Variants in TXNDC11 observed in about 807,000 individuals in gnomAD.
TXNDC11 encodes the protein thioredoxin domain-containing protein 11.
Under a neutral mutation model 78.0 loss-of-function variants are expected in TXNDC11, and 68 were observed. The ratio of observed to expected loss-of-function variants is 0.87; its 90% confidence interval spans 0.72 to 1.07. TXNDC11 has a LOEUF of 1.07. TXNDC11 is among the 50% of genes least tolerant of loss of function. The pLI is 0.00. For synonymous variants in TXNDC11, 571 were observed against 495.2 expected (o/e 1.15, Z -2.03); for missense variants, 1,389 against 1,221.8 (o/e 1.14, Z -2.04).
At chr16:11,693,203 C>T (rs2050769322) in intron 7 of TXNDC11, among the ~76,000 whole-genome samples, 1 of 152,200 alleles carries the variant, frequency 6.6e-6, no homozygotes, top group Admixed American at 6.5e-5. Flanking sequence ...GTAATGCACA[C>T]AATCCTCTGT....
At chr16:11,699,388 A>T (rs1051257668) in intron 6 of TXNDC11, among the ~76,000 whole-genome samples, 1 of 152,246 alleles carries the variant, frequency 6.6e-6, no homozygotes. Flanking sequence ...GGAAAATGAC[A>T]GATAGCAAAA....
intron 10 of TXNDC11, among the ~76,000 whole-genome samples, chr16:11,685,422 G>C (rs527353061): frequency 6.5e-4 from 99 of 152,108 alleles, no homozygotes; most frequent in African/African-American, 2.3e-3. Context: ...GAGGCAGGCA[G>C]ATCACGAGGT....
Position 11,679,801 on chromosome 16 carries a change from G to A in TXNDC11, c.2271C>T (p.Pro757=), listed in dbSNP as rs570388251. Residue 757 remains proline, a synonymous_variant, in exon 12 of 12, where the codon CCC becomes CCT. Transcript: ENST00000283033. This position sits in a 1 kb window ranked among gnomAD's most constrained non-coding sequence, Gnocchi z 4.6. ...ACCTCAACAGGTTTGGAAGGGTGAT[G>A]GGGACGTCTTCGGGGTATTTCACAC... ...DLSVKYPEDV[P]ITLPNLLRFI... The A allele has an allele frequency of 4.3e-5, 70 of 1,613,854 alleles. No homozygotes were observed. In the South Asian group the frequency reaches 6.7e-4, roughly 15 times the overall value.
At chr16:11,710,804 G>C (rs2051328013) in intron 5 of TXNDC11, among the ~76,000 whole-genome samples, 1 of 152,160 alleles carries the variant, frequency 6.6e-6, no homozygotes, top group East Asian at 1.9e-4. Context: ...AACAGAGTGA[G>C]ACCCTGTCAA....
intron 7 of TXNDC11, among the ~76,000 whole-genome samples, chr16:11,693,925 G>A (rs2050786572): frequency 6.6e-6 from 1 of 152,044 alleles, no homozygotes; most frequent in Non-Finnish European, 1.5e-5. Flanking sequence ...AAGACTTCAC[G>A]ATTTACTGTA....
chr16:11,710,118 C>CA (rs1474155523), intron 5 of TXNDC11, among the ~76,000 whole-genome samples: 1 of 151,962 alleles, frequency 6.6e-6, no homozygotes, highest in African/African-American at 2.4e-5. Context: ...ACTCTAGACT[C>CA]AGTGACAGAG....
At chr16:11,735,970 T>C in intron 2 of TXNDC11, 47 bp downstream of exon 2, 1 of 1,587,606 alleles carries the variant, frequency 6.3e-7, no homozygotes, top group Non-Finnish European at 8.6e-7. Flanking sequence ...CTGCCCTACA[T>C]ATAGGACTGA....
intron 5 of TXNDC11, among the ~76,000 whole-genome samples, chr16:11,717,434 G>GAAAAAAAAAAAAAAA (rs58884197): frequency 3.2e-5 from 2 of 62,320 alleles, no homozygotes; most frequent in East Asian, 5.6e-4. Flanking sequence ...GACTCCAAAT[G>GAAAAAAAAAAAAAAA]AAAAAAAAAA....
rs556496861 is a variant in TXNDC11, at chr16:11,698,688, C to T, written c.907-363G>A. Among the ~76,000 whole-genome samples, 15 of 152,346 alleles carry T rather than the reference C, an allele frequency of 9.8e-5. 1 individual carries two copies. The highest frequency in any genetic ancestry group is 3.1e-4 in the African/African-American group (13 of 41,586). On this transcript the variant is annotated intron_variant, in intron 6 of 11. Coordinates refer to ENST00000283033, the MANE Select transcript of TXNDC11 (RefSeq NM_015914.7). The stretch of plus-strand genomic sequence containing the variant: ...CTGGGTATTCATAAAAGGACCAAGA[C>T]ATATCTAAGGGAACAGAAACTACAG...
At position 11,679,819 on chromosome 16, in the gene TXNDC11, T is replaced by C. The variant is rs750090126; in HGVS notation, c.2253A>G (p.Lys751=). ...FPCNRKDLSV[K]YPEDVPITLP... The stretch of plus-strand genomic sequence containing the variant: ...GGGTGATGGGGACGTCTTCGGGGTA[T>C]TTCACACTTAGGTCCTTTCTGGAGA... Residue 751 remains lysine, a synonymous_variant, in exon 12 of 12, where the codon AAA becomes AAG. Coordinates refer to ENST00000283033, the MANE Select transcript of TXNDC11 (RefSeq NM_015914.7). The surrounding 1 kb of genome is among the most constrained non-coding windows in gnomAD (Gnocchi z 4.6). 15 of 1,612,484 alleles carry C rather than the reference T, an allele frequency of 9.3e-6. No individual in the cohort carries two copies. Among genetic ancestry groups the C allele is most frequent in the Non-Finnish European group, 1.3e-5 (15 of 1,178,892 alleles).
At chr16:11,710,990 A>T (rs1164875933) in intron 5 of TXNDC11, among the ~76,000 whole-genome samples, 8 of 152,122 alleles carry the variant, frequency 5.3e-5, no homozygotes, top group Non-Finnish European at 1.2e-4. Flanking sequence ...GCTCCAAGAA[A>T]GAAGCTGGGG....
At chr16:11,723,985 A>ATTGT (rs2141095466) in intron 4 of TXNDC11, among the ~76,000 whole-genome samples, 1 of 152,338 alleles carries the variant, frequency 6.6e-6, no homozygotes, top group Non-Finnish European at 1.5e-5. Context: ...ATAAAGTACA[A>ATTGT]GTCAAATGAA....
intron 4 of TXNDC11, among the ~76,000 whole-genome samples, chr16:11,729,015 T>G (rs1295653935): frequency 6.6e-6 from 1 of 151,972 alleles, no homozygotes; most frequent in Non-Finnish European, 1.5e-5. Context: ...AATCAATCAA[T>G]CAATCAATCA....
intron 6 of TXNDC11, among the ~76,000 whole-genome samples, chr16:11,698,542 A>G (rs1229542680): frequency 6.6e-6 from 1 of 152,248 alleles, no homozygotes; most frequent in East Asian, 1.9e-4. Context: ...GGTGACTTCC[A>G]TATCGTGTGA....
intron 7 of TXNDC11, among the ~76,000 whole-genome samples, chr16:11,695,847 A>G (rs533595336): frequency 6.6e-6 from 1 of 152,242 alleles, no homozygotes; most frequent in Admixed American, 6.5e-5. Context: ...CTGCCTGGGT[A>G]ACATGGCGAA....
At chr16:11,742,270 C>T (rs887715753) in intron 1 of TXNDC11, 5 of 459,064 alleles carry the variant, frequency 1.1e-5, no homozygotes, top group Non-Finnish European at 1.9e-5. Flanking sequence ...GGGCTCCACC[C>T]GGAAGCCTCG....
rs1166535857 is a variant in TXNDC11 at position 11,679,537 on chromosome 16, C to T, written c.2535G>A (p.Leu845=). The T allele has an allele frequency of 6.2e-7, 1 of 1,613,324 alleles. No homozygotes were observed. Among genetic ancestry groups the T allele is most frequent in the East Asian group, 2.2e-5 (1 of 44,898 alleles). The change falls in exon 12 of 12, where the codon CTG becomes CTA. Residue 845 remains leucine, a synonymous_variant. Transcript: ENST00000283033. This position sits in a 1 kb window ranked among gnomAD's most constrained non-coding sequence, Gnocchi z 4.6. ...CGTGGAGCAGGCTGTGCTGCTCTTC[C>T]AGGGCCCGCTGCTGCTGCCGCAGCC... The part of the protein sequence containing the change: ...EHRLRQQQRA[L]EEQHSLLHAH...
chr16:11,716,950 A>T (rs2051542817), intron 5 of TXNDC11, among the ~76,000 whole-genome samples: 3 of 152,208 alleles, frequency 2.0e-5, no homozygotes, highest in Admixed American at 2.0e-4. Context: ...CATCATCAAG[A>T]TTAGAAAGAA....
At chr16:11,737,006 A>G (rs971687150) in intron 1 of TXNDC11, among the ~76,000 whole-genome samples, 1 of 151,956 alleles carries the variant, frequency 6.6e-6, no homozygotes, top group South Asian at 2.1e-4. Flanking sequence ...AAACACCCTG[A>G]GCTGTCCATG....
Sources: gnomAD v4.1 joint callset for allele counts (sites outside exome capture counted in the v4.1 genomes callset) on GRCh38, gnomAD v4.1.1 for gene constraint, Gnocchi (gnomAD v3.1) non-coding constraint, MANE v1.5 for transcripts, NCBI Gene and HGNC (gene_info 2026-07-23, HGNC 2026-07-21) for gene names.